The following LRRC38 variants were observed in gnomAD, a reference collection of about 807,000 sequenced individuals.
LRRC38 encodes the protein leucine rich repeat containing 38.
Under a neutral mutation model 16.4 loss-of-function variants are expected in LRRC38, and 5 were observed. The ratio of observed to expected loss-of-function variants is 0.31; its 90% CI spans 0.16 to 0.64. The LOEUF is 0.64. Ranked by LOEUF, LRRC38 falls within the 30% of genes least tolerant of loss-of-function variation. LRRC38 has a pLI of 0.80. For synonymous variants in LRRC38, 191 were observed against 190.2 expected (o/e 1.00, Z -0.04); for missense variants, 341 against 401.8 (o/e 0.85, Z 1.29).
intron 1 of LRRC38, among the ~76,000 whole-genome samples, chr1:13,503,489 G>A (rs896614412): frequency 6.6e-6 from 1 of 152,084 alleles, no homozygotes; most frequent in Non-Finnish European, 1.5e-5. Flanking sequence ...GGCTGGTCTC[G>A]ATCTGCTGAC....
chr1:13,478,854 C>T (rs527874605), intron 1 of LRRC38, among the ~76,000 whole-genome samples: 1 of 152,234 alleles, frequency 6.6e-6, no homozygotes, highest in East Asian at 1.9e-4. Context: ...CCTGCCCCAT[C>T]TTTTATGTAG....
chr1:13,485,998 G>A (rs894934040), intron 1 of LRRC38, among the ~76,000 whole-genome samples: 1 of 152,174 alleles, frequency 6.6e-6, no homozygotes, highest in African/African-American at 2.4e-5. Context: ...GAGTGCAGTG[G>A]TGTAATCTCG....
chr1:13,486,199 C>T (rs943529608), intron 1 of LRRC38, among the ~76,000 whole-genome samples: 1 of 152,068 alleles, frequency 6.6e-6, no homozygotes, highest in African/African-American at 2.4e-5. Flanking sequence ...GGCTTATGGC[C>T]GCCTCCCTCC....
rs556171677 is a variant in LRRC38 at position 13,495,681 on chromosome 1, C to A, written c.631+17282G>T. On this transcript the variant is annotated intron_variant, in intron 1 of 1. Coordinates refer to ENST00000376085, the MANE Select transcript of LRRC38 (RefSeq NM_001010847.2). ...ACACCTGATGCTCCTTGCAGCACCACTAAAAAGTGGTCATTTGGACTCTGC... is the reference window on the plus strand; with the variant it reads ...ACACCTGATGCTCCTTGCAGCACCAATAAAAAGTGGTCATTTGGACTCTGC... 9.5e-4 allele frequency among the ~76,000 whole-genome samples: 144 copies of A among 152,286 alleles called. 1 individual carries two copies. The highest frequency in any genetic ancestry group is 3.0e-3 in the African/African-American group (126 of 41,562).
chr1:13,481,764 TCTCTCTCCCTCTCTCC>T (rs59951448), intron 1 of LRRC38, among the ~76,000 whole-genome samples: 17,428 of 79,218 alleles, frequency 0.22, 1,363 homozygotes, highest in East Asian at 0.32. Context: ...TTTCTTTCCC[TCTCTCTCCCTCTCTCC>T]CTCTCTCCCT....
chr1:13,509,231 C>T (rs1032773690), intron 1 of LRRC38, among the ~76,000 whole-genome samples: 9 of 152,136 alleles, frequency 5.9e-5, no homozygotes, highest in Non-Finnish European at 1.0e-4. Flanking sequence ...CAGCTCGAAT[C>T]TCTTTCCTAG....
At chr1:13,480,152 C>T (rs1379526144) in intron 1 of LRRC38, among the ~76,000 whole-genome samples, 1 of 152,178 alleles carries the variant, frequency 6.6e-6, no homozygotes. Context: ...CCAGACCAAC[C>T]TCGCCAATAT....
chr1:13,507,901 G>GCT (rs1639231451), intron 1 of LRRC38, among the ~76,000 whole-genome samples: 1 of 151,588 alleles, frequency 6.6e-6, no homozygotes, highest in Non-Finnish European at 1.5e-5. Flanking sequence ...AATGGTGCCA[G>GCT]GCAGCTGGCA....
intron 1 of LRRC38, among the ~76,000 whole-genome samples, chr1:13,486,041 C>T (rs1032242272): frequency 6.6e-6 from 1 of 152,146 alleles, no homozygotes; most frequent in Non-Finnish European, 1.5e-5. Flanking sequence ...CGGGTTCAAG[C>T]GATTCTCCTG....
intron 1 of LRRC38, among the ~76,000 whole-genome samples, chr1:13,481,768 TCTCCCTCTCTCCCTCTCTCC>T (rs1569910358): frequency 0.067 from 2,049 of 30,720 alleles, 69 homozygotes; most frequent in East Asian, 0.21. Flanking sequence ...TTTCCCTCTC[TCTCCCTCTCTCCCTCTCTCC>T]CTCTCTCTCT....
chr1:13,475,959 C>A lies in LRRC38; in HGVS notation c.772G>T (p.Val258Leu). 1 of 1,550,532 alleles carries A rather than the reference C, an allele frequency of 6.4e-7. No individual in the cohort carries two copies. Among genetic ancestry groups the A allele is most frequent in the Non-Finnish European group, 8.7e-7 (1 of 1,146,986 alleles). The change falls in exon 2 of 2, where the codon GTG becomes TTG. Residue 258 changes from valine (V) to leucine (L), a missense_variant. Coordinates refer to ENST00000376085, the MANE Select transcript of LRRC38 (RefSeq NM_001010847.2). This position sits in a 1 kb window ranked among gnomAD's most constrained non-coding sequence, Gnocchi z 4.3. Reference protein sequence around the residue: ...LCIIIFSGVAVSIAAIISSFF... With the variant: ...LCIIIFSGVALSIAAIISSFF... ...CTGGAGATGATGGCCGCAATGGACA[C>A]GGCCACACCGGAGAAAATGATGATG...
intron 1 of LRRC38, among the ~76,000 whole-genome samples, chr1:13,491,266 C>T (rs531119997): frequency 6.6e-6 from 1 of 152,344 alleles, no homozygotes; most frequent in East Asian, 1.9e-4. Flanking sequence ...CTCACTCACG[C>T]AGCAGCCGTG....
rs756118083 is a variant in LRRC38 at position 13,475,632 on chromosome 1, TC to T, written c.*213del. On this transcript the variant is annotated 3_prime_UTR_variant, in exon 2 of 2. Transcript: ENST00000376085. This position sits in a 1 kb window ranked among gnomAD's most constrained non-coding sequence, Gnocchi z 4.3. Reference sequence around the variant, plus strand: ...AGGCAGGTTATGCTCCAGGAATAATTCCCTCCATCCTTCCTGGGCTTCTGTG... The same window carrying T: ...AGGCAGGTTATGCTCCAGGAATAATTCCTCCATCCTTCCTGGGCTTCTGTG... 1.2e-5 allele frequency: 7 copies of T among 581,796 alleles called. No homozygotes were observed. Among genetic ancestry groups the T allele is most frequent in the Non-Finnish European group, 1.5e-5 (5 of 337,560 alleles). 36.0% of individuals were successfully genotyped at this position (581,796 alleles called of 1,614,324 possible).
rs537046607 is a variant in LRRC38 at position 13,475,870 on chromosome 1, A to T, written c.861T>A (p.Asp287Glu). The change falls in exon 2 of 2, where the codon GAT (aspartate) becomes GAA (glutamate). Residue 287 changes from aspartate to glutamate, a missense_variant. Asp to Glu is a conservative substitution (Grantham distance 45). Coordinates refer to ENST00000376085, the MANE Select transcript of LRRC38 (RefSeq NM_001010847.2). This position sits in a 1 kb window ranked among gnomAD's most constrained non-coding sequence, Gnocchi z 4.3. ...CTCAGTCATCCTTGTCCTCGTCTTC[A>T]TCCTCCGCATCTTTGTTGGGTGCGC... ...QRCAPNKDAEDEDEDKDD is the reference protein window; with the variant it reads ...QRCAPNKDAEEEDEDKDD 11 of 1,550,286 alleles carry T rather than the reference A, an allele frequency of 7.1e-6. No homozygotes were observed. The Admixed American group carries it at 1.2e-4, about 17-fold the overall frequency.
At chr1:13,507,425 A>C (rs1639226429) in intron 1 of LRRC38, among the ~76,000 whole-genome samples, 1 of 152,244 alleles carries the variant, frequency 6.6e-6, no homozygotes. Flanking sequence ...CTCAGGTATA[A>C]ACACACACAA....
At chr1:13,482,987 A>T (rs1225432126) in intron 1 of LRRC38, among the ~76,000 whole-genome samples, 1 of 152,144 alleles carries the variant, frequency 6.6e-6, no homozygotes, top group African/African-American at 2.4e-5. Flanking sequence ...GTAGCAGGGA[A>T]ATGCCAGAGC....
At chr1:13,481,376 GTTTTT>G (rs796116003) in intron 1 of LRRC38, among the ~76,000 whole-genome samples, 3 of 135,646 alleles carry the variant, frequency 2.2e-5, no homozygotes, top group African/African-American at 8.0e-5. Context: ...GTGTTCTTAT[GTTTTT>G]TTTATTTTTT....
At chr1:13,506,277 G>A (rs1639212339) in intron 1 of LRRC38, among the ~76,000 whole-genome samples, 2 of 152,062 alleles carry the variant, frequency 1.3e-5, no homozygotes, top group South Asian at 4.2e-4. Context: ...AACAGCACAG[G>A]CATGGACCTG....
chr1:13,494,258 G>A (rs374247603), intron 1 of LRRC38, among the ~76,000 whole-genome samples: 7 of 152,126 alleles, frequency 4.6e-5, no homozygotes, highest in African/African-American at 1.4e-4. Context: ...TTCCACCCAC[G>A]TTCAGCAGTT....
Sources: gnomAD v4.1 joint callset for allele counts (sites outside exome capture counted in the v4.1 genomes callset) on GRCh38, gnomAD v4.1.1 for gene constraint, Gnocchi (gnomAD v3.1) non-coding constraint, MANE v1.5 for transcripts, NCBI Gene and HGNC (gene_info 2026-07-23, HGNC 2026-07-21) for gene names.